The following ESRRG variants were observed in gnomAD, a reference collection of about 807,000 sequenced individuals.
ESRRG encodes estrogen-related receptor gamma.
ESRRG carries 13 observed loss-of-function variants against 44.0 expected under a neutral mutation model. That is an observed-to-expected ratio of 0.30 (90% CI 0.19 to 0.47). ESRRG has a LOEUF of 0.47. Among genes scored for constraint, ESRRG ranks in the 20% least tolerant of loss-of-function variants. The pLI is 1.00. For synonymous variants in ESRRG, 215 were observed against 214.6 expected, an observed-to-expected ratio of 1.00 and a Z score of -0.02; for missense variants, 395 against 580.6, an observed-to-expected ratio of 0.68 and a Z score of 3.29.
intron 1 of ESRRG, among the ~76,000 whole-genome samples, chr1:217,056,799 C>T (rs574499274): frequency 6.6e-6 from 1 of 151,488 alleles, no homozygotes; most frequent in South Asian, 2.1e-4. Flanking sequence ...CCCCAAAATA[C>T]CAGTTAATGG....
At chr1:216,837,673 A>G (rs974176455) in intron 2 of ESRRG, among the ~76,000 whole-genome samples, 1 of 152,176 alleles carries the variant, frequency 6.6e-6, no homozygotes, top group Non-Finnish European at 1.5e-5. Context: ...ACAGAGAGCT[A>G]AAAAGCAGGC....
At chr1:217,132,226 G>A (rs2092976668) in intron 1 of ESRRG, among the ~76,000 whole-genome samples, 1 of 152,144 alleles carries the variant, frequency 6.6e-6, no homozygotes, top group Non-Finnish European at 1.5e-5. Flanking sequence ...AACTCCCAGA[G>A]TCCAGTGATC....
chr1:216,571,763 C>T (rs888797400), intron 3 of ESRRG, among the ~76,000 whole-genome samples: 1 of 151,972 alleles, frequency 6.6e-6, no homozygotes, highest in African/African-American at 2.4e-5. Flanking sequence ...ACTTTATTTC[C>T]TAAAATAAAG....
chr1:216,567,334 T>G (rs923715106), intron 4 of ESRRG, among the ~76,000 whole-genome samples: 1 of 152,210 alleles, frequency 6.6e-6, no homozygotes, highest in Non-Finnish European at 1.5e-5. Context: ...GCTTGCATTT[T>G]AGCAATGTAC....
intron 2 of ESRRG, among the ~76,000 whole-genome samples, chr1:216,652,632 A>T (rs2151079535): frequency 6.6e-6 from 1 of 152,276 alleles, no homozygotes; most frequent in Non-Finnish European, 1.5e-5. Flanking sequence ...CATCAACAGA[A>T]GTATATACCA....
intron 2 of ESRRG, among the ~76,000 whole-genome samples, chr1:216,889,553 T>G (rs895136894): frequency 2.0e-5 from 3 of 152,222 alleles, no homozygotes; most frequent in Non-Finnish European, 2.9e-5. Flanking sequence ...ATTCTGGTCT[T>G]CCTTGCAAAC....
At chr1:217,033,240 C>T (rs1420780981) in intron 1 of ESRRG, among the ~76,000 whole-genome samples, 2 of 152,164 alleles carry the variant, frequency 1.3e-5, no homozygotes, top group African/African-American at 4.8e-5. Context: ...CTCCTCTTTG[C>T]AGAAGCACCT....
At chr1:216,742,582 C>A (rs1246179156) in intron 2 of ESRRG, among the ~76,000 whole-genome samples, 1 of 151,760 alleles carries the variant, frequency 6.6e-6, no homozygotes, top group African/African-American at 2.4e-5. Context: ...CCATCCGACC[C>A]TTTCATACAG....
intron 2 of ESRRG, among the ~76,000 whole-genome samples, chr1:216,833,849 G>A (rs966335042): frequency 6.6e-6 from 1 of 152,128 alleles, no homozygotes. Flanking sequence ...AAAATGCTAC[G>A]GATAGCACAT....
At chr1:216,578,690 T>A (rs2062141144) in intron 3 of ESRRG, among the ~76,000 whole-genome samples, 1 of 152,102 alleles carries the variant, frequency 6.6e-6, no homozygotes, top group Admixed American at 6.6e-5. Context: ...ATGGTGTTCT[T>A]AAATATTCAT....
intron 5 of ESRRG, among the ~76,000 whole-genome samples, chr1:216,561,856 TAGAG>T (rs1016251187): frequency 2.0e-5 from 3 of 152,164 alleles, no homozygotes; most frequent in Admixed American, 6.5e-5. Flanking sequence ...ACATTTGCTA[TAGAG>T]AGAGAATAAC....
At chr1:217,106,809 C>T (rs1340858710) in intron 1 of ESRRG, among the ~76,000 whole-genome samples, 2 of 152,162 alleles carry the variant, frequency 1.3e-5, no homozygotes, top group African/African-American at 2.4e-5. Flanking sequence ...TTGTGACAGA[C>T]TCACTCCTGT....
intron 1 of ESRRG, among the ~76,000 whole-genome samples, chr1:217,095,369 T>C (rs1272256168): frequency 6.6e-6 from 1 of 152,238 alleles, no homozygotes; most frequent in Non-Finnish European, 1.5e-5. Flanking sequence ...TGATTTAAAA[T>C]GAGGTTTCTG....
At chr1:216,603,046 T>C (rs561658756) in intron 3 of ESRRG, among the ~76,000 whole-genome samples, 1 of 152,300 alleles carries the variant, frequency 6.6e-6, no homozygotes, top group Non-Finnish European at 1.5e-5. Flanking sequence ...ATTATCTTTT[T>C]ACTTGAATTA....
At chr1:216,653,016 T>G (rs1414411106) in intron 2 of ESRRG, among the ~76,000 whole-genome samples, 1 of 152,208 alleles carries the variant, frequency 6.6e-6, no homozygotes, top group Non-Finnish European at 1.5e-5. Flanking sequence ...TTTCCTTTTT[T>G]CTGCCTGAAA....
chr1:216,737,970 C>T (rs2090176933), intron 2 of ESRRG, among the ~76,000 whole-genome samples: 1 of 149,334 alleles, frequency 6.7e-6, no homozygotes, highest in Non-Finnish European at 1.5e-5. Flanking sequence ...TCCAGACCTT[C>T]ACTAGTTCTG....
intron 2 of ESRRG, among the ~76,000 whole-genome samples, chr1:216,818,128 T>TA (rs2095197193): frequency 6.6e-6 from 1 of 152,196 alleles, no homozygotes; most frequent in African/African-American, 2.4e-5. Flanking sequence ...ACAAAAGTGT[T>TA]AAAAAGGAAT....
intron 3 of ESRRG, among the ~76,000 whole-genome samples, chr1:216,595,139 GA>G (rs1487404801): frequency 6.6e-6 from 1 of 152,128 alleles, no homozygotes; most frequent in African/African-American, 2.4e-5. Context: ...GTTTGAAAAT[GA>G]AAAAACCAGT....
intron 1 of ESRRG, among the ~76,000 whole-genome samples, chr1:217,071,297 C>T (rs1235124066): frequency 1.3e-5 from 2 of 152,090 alleles, no homozygotes; most frequent in Non-Finnish European, 2.9e-5. Flanking sequence ...TTCCCACAAG[C>T]CCTGCAAATT....
Sources: allele counts gnomAD v4.1 joint callset (sites outside exome capture counted in the v4.1 genomes callset), GRCh38; gene constraint gnomAD v4.1.1; transcripts MANE v1.5; gene names NCBI Gene and HGNC (gene_info 2026-07-23, HGNC 2026-07-21).